Variants in LARGE1 observed in about 807,000 individuals in gnomAD.
LARGE1 encodes the protein LARGE xylosyl- and glucuronyltransferase 1, also known as xylosyl- and glucuronyltransferase LARGE1.
Under a neutral mutation model 87.6 loss-of-function variants are expected in LARGE1, and 43 were observed. The observed-to-expected ratio is 0.49, with a 90% CI of 0.38 to 0.63. LARGE1 has a LOEUF of 0.63. Among genes scored for constraint, LARGE1 ranks in the 30% least tolerant of loss-of-function variants. The pLI is 0.00. For synonymous variants in LARGE1, 434 were observed against 394.6 expected (o/e 1.10, Z -1.18); for missense variants, 802 against 1,000.2 (o/e 0.80, Z 2.67).
rs2063840190 is a variant in LARGE1, at chr22:33,859,116, C to A, written c.-83+60879G>T. ...ATGACGGGTTGATGGGTGCAGCAAA[C>A]CACCATGGCACATGTATACCTATGT... On this transcript the variant is annotated intron_variant, in intron 1 of 14. Transcript: ENST00000397394. 2.6e-5 allele frequency among the ~76,000 whole-genome samples: 4 copies of A among 152,034 alleles called. No homozygotes were observed. In the South Asian group the frequency reaches 8.3e-4, roughly 32 times the overall value.
chr22:33,168,226 G>A (rs1358772050), intron 11 of LARGE1, among the ~76,000 whole-genome samples: 1 of 152,154 alleles, frequency 6.6e-6, no homozygotes, highest in Non-Finnish European at 1.5e-5. Flanking sequence ...TAACCACAAG[G>A]TAGATTCACC....
At chr22:33,510,672 C>T (rs1395968764) in intron 6 of LARGE1, among the ~76,000 whole-genome samples, 1 of 152,178 alleles carries the variant, frequency 6.6e-6, no homozygotes, top group Non-Finnish European at 1.5e-5. Context: ...GCCTCGCAGG[C>T]TCAAATGATC....
intron 6 of LARGE1, among the ~76,000 whole-genome samples, chr22:33,497,937 C>A (rs192325162): frequency 2.0e-5 from 3 of 152,290 alleles, no homozygotes; most frequent in Non-Finnish European, 2.9e-5. Flanking sequence ...GGCTGGAATG[C>A]AGTGGTATCA....
chr22:33,846,657 C>T (rs2063439607), intron 1 of LARGE1, among the ~76,000 whole-genome samples: 1 of 152,160 alleles, frequency 6.6e-6, no homozygotes, highest in Admixed American at 6.5e-5. Context: ...CAGCAAGGAA[C>T]ATCCCTCGGA....
intron 6 of LARGE1, among the ~76,000 whole-genome samples, chr22:33,487,047 C>G (rs1285870675): frequency 6.6e-6 from 1 of 152,218 alleles, no homozygotes; most frequent in African/African-American, 2.4e-5. Flanking sequence ...TGACTGCAGC[C>G]TAAGTCTATT....
intron 11 of LARGE1, among the ~76,000 whole-genome samples, chr22:33,255,743 TA>T (rs1344067305): frequency 6.6e-6 from 1 of 152,202 alleles, no homozygotes. Flanking sequence ...ACCTAAAACA[TA>T]GGTTCTATCT....
intron 1 of LARGE1, among the ~76,000 whole-genome samples, chr22:33,774,269 G>A (rs1355114599): frequency 6.6e-6 from 1 of 151,910 alleles, no homozygotes; most frequent in Non-Finnish European, 1.5e-5. Context: ...ATAAGACAAT[G>A]GCCACTCTTA....
chr22:33,105,504 A>G, the LARGE1 span: 1 of 152,166 alleles, frequency 6.6e-6, no homozygotes, highest in East Asian at 1.9e-4. Context: ...TTTCTACAGT[A>G]GCTGAAACTG....
rs2082772649 is a variant in LARGE1 at position 33,712,709 on chromosome 22, C to T, written c.106+48662G>A. Among the ~76,000 whole-genome samples the T allele has an allele frequency of 1.4e-5, 2 of 148,138 alleles. 1 individual carries two copies. Among genetic ancestry groups the T allele is most frequent in the South Asian group, 4.3e-4 (2 of 4,662 alleles). ...GTCTGCATGTGGGTAGCATGAAAAGCTGAGGCCAGCAAGAAAAGCCACTAA... is the reference window on the plus strand; with the variant it reads ...GTCTGCATGTGGGTAGCATGAAAAGTTGAGGCCAGCAAGAAAAGCCACTAA... On this transcript the variant is annotated intron_variant, in intron 2 of 14. Coordinates refer to ENST00000397394, the MANE Select transcript of LARGE1 (RefSeq NM_133642.5).
chr22:33,844,648 CG>C (rs1162712255), intron 1 of LARGE1, among the ~76,000 whole-genome samples: 1 of 151,686 alleles, frequency 6.6e-6, no homozygotes, highest in African/African-American at 2.4e-5. Context: ...GCCTACCGTG[CG>C]AACTTGGGTA....
At chr22:33,541,095 A>C in intron 6 of LARGE1, among the ~76,000 whole-genome samples, 1 of 116,504 alleles carries the variant, frequency 8.6e-6, no homozygotes, top group African/African-American at 3.5e-5. Context: ...GGGGAGAATC[A>C]CCCAAGCCCA....
At chr22:33,181,808 G>A (rs572950745) in intron 11 of LARGE1, among the ~76,000 whole-genome samples, 1 of 148,218 alleles carries the variant, frequency 6.7e-6, no homozygotes, top group Admixed American at 6.7e-5. Context: ...GATTACAGGC[G>A]TGAGCCAGTA....
intron 2 of LARGE1, among the ~76,000 whole-genome samples, chr22:33,665,042 T>C (rs1341349694): frequency 1.3e-5 from 2 of 152,162 alleles, no homozygotes; most frequent in Non-Finnish European, 2.9e-5. Flanking sequence ...CTGGGATACA[T>C]AGCAAGCACT....
intron 6 of LARGE1, among the ~76,000 whole-genome samples, chr22:33,541,188 T>TG (rs2077194821): frequency 1.7e-5 from 1 of 58,964 alleles, no homozygotes; most frequent in South Asian, 6.2e-4. Context: ...TCAAAAAAAG[T>TG]GGGGGAAAAA....
intron 1 of LARGE1, among the ~76,000 whole-genome samples, chr22:33,899,451 G>A (rs775025838): frequency 6.6e-5 from 10 of 152,170 alleles, no homozygotes; most frequent in African/African-American, 9.7e-5. Context: ...ATACCAAGAG[G>A]AGTTATACAT....
rs576307801 is a variant in LARGE1, at chr22:33,910,380, C to T, written c.-83+9615G>A. Among the ~76,000 whole-genome samples the T allele has an allele frequency of 7.9e-5, 12 of 152,250 alleles. No homozygotes were observed. In the South Asian group the frequency reaches 2.3e-3, roughly 29 times the overall value. ...CTGACAATGCCTAGTTGAAGATGGC[C>T]AAGCACAGCCTTTGATTTGGTTTGC... On this transcript the variant is annotated intron_variant, in intron 1 of 14. Transcript: ENST00000397394.
intron 4 of LARGE1, among the ~76,000 whole-genome samples, chr22:33,615,490 A>AT (rs1296124741): frequency 1.3e-5 from 1 of 75,632 alleles, no homozygotes; most frequent in Non-Finnish European, 2.9e-5. Flanking sequence ...CACTGAAATA[A>AT]TTTTTAAAAA....
intron 10 of LARGE1, among the ~76,000 whole-genome samples, chr22:33,331,128 T>C (rs1019328970): frequency 6.6e-6 from 1 of 152,186 alleles, no homozygotes; most frequent in Admixed American, 6.5e-5. Flanking sequence ...CAAGGCACAC[T>C]GTGTTCCTGG....
chr22:33,672,178 G>A (rs1026295028), intron 2 of LARGE1, among the ~76,000 whole-genome samples: 3 of 152,148 alleles, frequency 2.0e-5, no homozygotes, highest in African/African-American at 7.2e-5. Flanking sequence ...TCCCAGATAA[G>A]CACAGAAGAG....
Sources: allele counts gnomAD v4.1 joint callset (sites outside exome capture counted in the v4.1 genomes callset), GRCh38; gene constraint gnomAD v4.1.1; transcripts MANE v1.5; gene names NCBI Gene and HGNC (gene_info 2026-07-23, HGNC 2026-07-21).